The following MICAL2 variants were observed in gnomAD, a reference collection of about 807,000 sequenced individuals.
MICAL2 encodes the protein microtubule associated monooxygenase, calponin and LIM domain containing 2.
MICAL2 carries 77 observed loss-of-function variants against 127.3 expected under a neutral mutation model. The ratio of observed to expected loss-of-function variants is 0.60; its 90% CI spans 0.50 to 0.73. The LOEUF (loss-of-function observed/expected upper bound fraction) is 0.73, where lower values mean the gene tolerates loss of function less well. MICAL2 is among the 30% of genes least tolerant of loss of function. MICAL2 has a pLI of 0.00. For synonymous variants in MICAL2, 570 were observed against 551.1 expected (o/e 1.03, Z -0.48); for missense variants, 1,351 against 1,434.4 (o/e 0.94, Z 0.94).
At chr11:12,336,934 C>T (rs889205172) in intron 32 of MICAL2, among the ~76,000 whole-genome samples, 2 of 152,014 alleles carry the variant, frequency 1.3e-5, no homozygotes, top group African/African-American at 4.8e-5. Flanking sequence ...TGTGTCTCTA[C>T]CAGGCTTTGG....
In MICAL2 at chr11:12,222,652, C is replaced by A. The variant is rs375247527; in HGVS notation, c.1358C>A (p.Pro453Gln). 1.9e-6 allele frequency: 3 copies of A among 1,614,108 alleles called. No individual in the cohort carries two copies. The South Asian group carries it at 3.3e-5, about 18-fold the overall frequency. ...TACCGGCTGTTACCTCAGACAACCCCGGAGAACATCAACAAGAACTTTGAG... is the reference window on the plus strand; with the variant it reads ...TACCGGCTGTTACCTCAGACAACCCAGGAGAACATCAACAAGAACTTTGAG... ...SLYRLLPQTT[P>Q]ENINKNFEQY... Residue 453 changes from proline (P) to glutamine (Q), a missense_variant, in exon 11 of 28, where the codon CCG (proline) becomes CAG (glutamine). By Grantham distance (76) the Pro-to-Gln change is moderately conservative. This residue lies in a region of MICAL2 where 599 missense variants were observed against 714.9 expected (regional missense o/e 0.84). Coordinates refer to ENST00000683283, the MANE Select transcript of MICAL2 (RefSeq NM_001282663.2).
chr11:12,360,360 A>G (rs956784335), downstream of MICAL2, among the ~76,000 whole-genome samples: 1 of 152,220 alleles, frequency 6.6e-6, no homozygotes, highest in Non-Finnish European at 1.5e-5. Context: ...GCTATTTAAT[A>G]TACAAATAAC....
intron 29 of MICAL2, among the ~76,000 whole-genome samples, chr11:12,315,877 T>C (rs757636219): frequency 6.6e-5 from 10 of 152,186 alleles, no homozygotes; most frequent in Non-Finnish European, 1.5e-4. Context: ...CTTTTCAGTT[T>C]GGTCAATTTT....
At chr11:12,338,130 G>T (rs943079177) in intron 32 of MICAL2, among the ~76,000 whole-genome samples, 3 of 152,186 alleles carry the variant, frequency 2.0e-5, no homozygotes, top group African/African-American at 7.2e-5. Context: ...TTATGAATCT[G>T]TGTGCTCCTG....
intron 32 of MICAL2, among the ~76,000 whole-genome samples, chr11:12,333,173 C>G (rs552284718): frequency 3.5e-4 from 53 of 152,166 alleles, no homozygotes; most frequent in African/African-American, 1.1e-3. Context: ...ACAGATACAG[C>G]AAAGATTCAA....
intron 32 of MICAL2, among the ~76,000 whole-genome samples, chr11:12,331,093 A>G (rs1864422711): frequency 6.6e-6 from 1 of 152,102 alleles, no homozygotes; most frequent in Admixed American, 6.5e-5. Flanking sequence ...GCAGCCACTT[A>G]GACTCTTATT....
intron 17 of MICAL2, 65 bp downstream of exon 17, chr11:12,239,650 C>T: frequency 5.1e-6 from 8 of 1,566,026 alleles, no homozygotes; most frequent in Non-Finnish European, 6.9e-6. Context: ...AATGTTCTGG[C>T]TGCTGATAGA....
exon 30 of MICAL2, chr11:12,319,719 G>A: frequency 1.9e-6 from 3 of 1,613,886 alleles, no homozygotes; most frequent in Non-Finnish European, 2.5e-6. Flanking sequence ...TCCCCTCAGA[G>A]CACAGGTAAC....
At chr11:12,298,762 C>T (rs574201456) in intron 29 of MICAL2, among the ~76,000 whole-genome samples, 1 of 152,122 alleles carries the variant, frequency 6.6e-6, no homozygotes, top group South Asian at 2.1e-4. Flanking sequence ...TGATTTTTTT[C>T]TCCTTAATTT....
rs547190510 is a variant in MICAL2 at position 12,261,536 on chromosome 11, A to G, written c.3335-944A>G. The G allele has an allele frequency of 4.1e-4, 404 of 985,522 alleles. 2 individuals are homozygous for G. In the Middle Eastern group the frequency reaches 4.7e-3, roughly 11 times the overall value. 61.0% of individuals were successfully genotyped at this position (985,522 alleles called of 1,614,324 possible). On this transcript the variant is annotated intron_variant, in intron 26 of 27. Transcript: ENST00000683283. ...AGGGGCCGCCAGAGAAAGGCCATCTACGGTGCGCAGTGTATCTGGAGTTGC... is the reference window on the plus strand; with the variant it reads ...AGGGGCCGCCAGAGAAAGGCCATCTGCGGTGCGCAGTGTATCTGGAGTTGC...
At chr11:12,343,940 A>G (rs182432055) in intron 32 of MICAL2, among the ~76,000 whole-genome samples, 2 of 152,204 alleles carry the variant, frequency 1.3e-5, no homozygotes, top group African/African-American at 4.8e-5. Flanking sequence ...AACATAGAAC[A>G]GTGTCTTGGA....
chr11:12,125,161 T>C (rs1589989136), intron 1 of MICAL2, among the ~76,000 whole-genome samples: 1 of 152,202 alleles, frequency 6.6e-6, no homozygotes, highest in South Asian at 2.1e-4. Context: ...CCCAGTGGGG[T>C]CCATTTCCAT....
chr11:12,351,285 C>T (rs1005731001), intron 33 of MICAL2, among the ~76,000 whole-genome samples: 1 of 152,162 alleles, frequency 6.6e-6, no homozygotes, highest in Non-Finnish European at 1.5e-5. Context: ...TCACCTGCTC[C>T]TTAGGGGCAA....
At chr11:12,216,088 C>A (rs1856114258) in intron 7 of MICAL2, 131 bp from the exon 8 acceptor site, 2 of 664,386 alleles carry the variant, frequency 3.0e-6, no homozygotes, top group Non-Finnish European at 5.3e-6. Flanking sequence ...GCCTTGTGTG[C>A]CTTAAAAACT....
chr11:12,242,536 C>T (rs1001665452), intron 19 of MICAL2, 104 bp downstream of exon 19: 3 of 1,427,984 alleles, frequency 2.1e-6, no homozygotes, highest in African/African-American at 2.9e-5. Flanking sequence ...CTGCCCACCC[C>T]CTGTCTCTCA....
At position 12,112,552 on chromosome 11, in the gene MICAL2, T is replaced by TG. The variant is rs373770005; in HGVS notation, c.-149+1833dup. On this transcript the variant is annotated intron_variant, in intron 1 of 27. Coordinates refer to ENST00000683283, the MANE Select transcript of MICAL2 (RefSeq NM_001282663.2). ...TCTAGTTTCGTGGGGCTTTTGGGGG[T>TG]GGGGGGGCAGGTGTTGGGGTGTAGT... is the stretch of plus-strand genomic sequence containing the variant. 7.2e-5 allele frequency among the ~76,000 whole-genome samples: 7 copies of TG among 96,686 alleles called. No individual in the cohort carries two copies. In the South Asian group the frequency reaches 1.4e-3, roughly 19 times the overall value. 63.4% of individuals were successfully genotyped at this position (96,686 alleles called of 152,430 possible).
intron 32 of MICAL2, among the ~76,000 whole-genome samples, chr11:12,339,563 C>CAAAA (rs1938824536): frequency 6.6e-6 from 1 of 152,024 alleles, no homozygotes; most frequent in Non-Finnish European, 1.5e-5. Context: ...CTGTTTTTTC[C>CAAAA]CCATCTTTGT....
exon 35 of MICAL2, chr11:12,358,298 G>A: frequency 6.2e-7 from 1 of 1,612,900 alleles, no homozygotes; most frequent in South Asian, 1.1e-5. Context: ...TCTTTAGAGA[G>A]CCAGAAAGAT....
At chr11:12,331,843 CTCTTT>C (rs1468726199) in intron 32 of MICAL2, among the ~76,000 whole-genome samples, 1 of 152,156 alleles carries the variant, frequency 6.6e-6, no homozygotes, top group Admixed American at 6.5e-5. Flanking sequence ...AATATTCCTT[CTCTTT>C]TCTTTTATGT....
Sources: allele counts gnomAD v4.1 joint callset (sites outside exome capture counted in the v4.1 genomes callset), GRCh38; gene constraint gnomAD v4.1.1; regional missense constraint gnomAD v4.1.1; transcripts MANE v1.5; gene names NCBI Gene and HGNC (gene_info 2026-07-23, HGNC 2026-07-21).